Variants in TCERG1L observed in about 807,000 individuals in gnomAD.
TCERG1L encodes transcription elongation regulator 1 like.
A neutral mutation model predicts 56.3 loss-of-function variants in TCERG1L; 37 were observed. The observed-to-expected ratio is 0.66, with a 90% CI of 0.51 to 0.87. The LOEUF is 0.87. Among genes scored for constraint, TCERG1L ranks in the 40% least tolerant of loss-of-function variants. The pLI is 0.00. For missense variants in TCERG1L, 799 were observed against 774.2 expected, an observed-to-expected ratio of 1.03 and a Z score of -0.38; for synonymous variants, 324 against 326.3, an observed-to-expected ratio of 0.99 and a Z score of 0.08.
chr10:131,147,249 T>C (rs936489901), intron 6 of TCERG1L, among the ~76,000 whole-genome samples: 2 of 151,940 alleles, frequency 1.3e-5, no homozygotes, highest in African/African-American at 4.8e-5. Flanking sequence ...ACTGAAGACA[T>C]CTAAAAGGAA....
chr10:131,241,165 C>A (rs1174565940), intron 4 of TCERG1L, among the ~76,000 whole-genome samples: 1 of 150,020 alleles, frequency 6.7e-6, no homozygotes, highest in East Asian at 2.0e-4. Context: ...AGTGGAGGAG[C>A]CGCCCGCACG....
At chr10:131,220,608 T>TG (rs34270970) in intron 4 of TCERG1L, among the ~76,000 whole-genome samples, 19,278 of 152,132 alleles carry the variant, frequency 0.13, 1,786 homozygotes, top group East Asian at 0.25. Flanking sequence ...AGCCACCCTG[T>TG]GCTCCTGCAG....
At chr10:131,306,146 C>T (rs1359058786) in intron 3 of TCERG1L, among the ~76,000 whole-genome samples, 1 of 152,074 alleles carries the variant, frequency 6.6e-6, no homozygotes, top group Non-Finnish European at 1.5e-5. Flanking sequence ...CCGTTCTTAT[C>T]CCAGTTCTCT....
At chr10:131,303,375 C>T (rs1389384798) in intron 3 of TCERG1L, among the ~76,000 whole-genome samples, 1 of 152,040 alleles carries the variant, frequency 6.6e-6, no homozygotes, top group Non-Finnish European at 1.5e-5. Context: ...CTCTAATGAC[C>T]AGTGATGATG....
Position 131,226,504 on chromosome 10 carries a change from T to C in TCERG1L, c.856+33755A>G, listed in dbSNP as rs76590977. Among the ~76,000 whole-genome samples the C allele has an allele frequency of 9.3e-3, 1,423 of 152,292 alleles. 31 individuals are homozygous for C. The highest frequency in any genetic ancestry group is 0.076 in the East Asian group (395 of 5,170). On this transcript the variant is annotated intron_variant, in intron 4 of 11. Coordinates refer to ENST00000368642, the MANE Select transcript of TCERG1L (RefSeq NM_174937.4). ...AATCCAGGAAATGATTGAGTTTTCA[T>C]GTTTTCCTTCAGAACCATAAAAATT...
At chr10:131,266,506 C>T (rs766521744) in intron 3 of TCERG1L, among the ~76,000 whole-genome samples, 1 of 152,132 alleles carries the variant, frequency 6.6e-6, no homozygotes, top group African/African-American at 2.4e-5. Context: ...GGCTGGAAAC[C>T]TCTGTGGCCA....
intron 4 of TCERG1L, among the ~76,000 whole-genome samples, chr10:131,214,820 TGA>T (rs1188639192): frequency 6.6e-6 from 1 of 152,216 alleles, no homozygotes; most frequent in Non-Finnish European, 1.5e-5. Flanking sequence ...CATTTGACAG[TGA>T]GAGCCAGCAA....
rs181666647 is a variant in TCERG1L, at chr10:131,166,736, C to T, written c.945+61G>A. On this transcript the variant is annotated intron_variant, in intron 5 of 11. Transcript: ENST00000368642. ...GCAAACAAGCGTGAGGGTGTCCTGG[C>T]CCTGGTCCTCCACACCCAGGGTTTT... 156 of 1,528,482 alleles carry T rather than the reference C, an allele frequency of 1.0e-4. 1 individual carries two copies. In the East Asian group the frequency reaches 3.2e-3, roughly 31 times the overall value. 94.7% of individuals were successfully genotyped at this position (1,528,482 alleles called of 1,614,324 possible). A position where few individuals can be genotyped will look rare whatever the true frequency, so the allele number is the denominator to read the frequency against.
chr10:131,100,687 C>T (rs1845296433), intron 10 of TCERG1L, among the ~76,000 whole-genome samples: 1 of 152,184 alleles, frequency 6.6e-6, no homozygotes, highest in Non-Finnish European at 1.5e-5. Context: ...GTGCAGCTCC[C>T]CCGGCAGAGG....
chr10:131,095,899 TC>T (rs1845240462), intron 11 of TCERG1L: 1 of 152,210 alleles, frequency 6.6e-6, no homozygotes, highest in Admixed American at 6.5e-5. Context: ...CTCAATGCAT[TC>T]CGAATATTTT....
intron 3 of TCERG1L, among the ~76,000 whole-genome samples, chr10:131,300,067 A>T (rs1318424294): frequency 6.6e-6 from 1 of 152,146 alleles, no homozygotes; most frequent in Non-Finnish European, 1.5e-5. Context: ...CATGAACTGC[A>T]AATCTACAGA....
intron 3 of TCERG1L, among the ~76,000 whole-genome samples, chr10:131,274,045 G>C (rs2918105): frequency 0.047 from 7,089 of 152,144 alleles, 203 homozygotes; most frequent in Non-Finnish European, 0.058. Flanking sequence ...CGGGGCCTGG[G>C]CGTGTGATGG....
intron 8 of TCERG1L, among the ~76,000 whole-genome samples, chr10:131,121,177 T>C (rs918085697): frequency 6.6e-6 from 1 of 151,974 alleles, no homozygotes; most frequent in Admixed American, 6.6e-5. Flanking sequence ...CTGACACAGG[T>C]TGAGATGGCG....
chr10:131,257,067 A>AAAG (rs1846181318), intron 4 of TCERG1L, among the ~76,000 whole-genome samples: 5 of 145,416 alleles, frequency 3.4e-5, no homozygotes, highest in African/African-American at 1.0e-4. Flanking sequence ...AGAAAGAAAG[A>AAAG]AAAAAAAAAA....
chr10:131,295,935 T>C (rs992841934), intron 3 of TCERG1L, among the ~76,000 whole-genome samples: 35 of 152,194 alleles, frequency 2.3e-4, no homozygotes, highest in African/African-American at 8.4e-4. Context: ...TCTGGTCATA[T>C]ATTTTGTCCA....
chr10:131,198,491 G>A (rs1006027768), intron 4 of TCERG1L, among the ~76,000 whole-genome samples: 1 of 152,232 alleles, frequency 6.6e-6, no homozygotes, highest in African/African-American at 2.4e-5. Context: ...AACACCACCG[G>A]CTGAGTAATT....
chr10:131,263,472 A>T (rs1247859012), intron 3 of TCERG1L, among the ~76,000 whole-genome samples: 1 of 152,184 alleles, frequency 6.6e-6, no homozygotes, highest in Admixed American at 6.5e-5. Context: ...ATCACACCAC[A>T]TCTGTGGCTT....
chr10:131,282,364 T>C (rs553600651), intron 3 of TCERG1L, among the ~76,000 whole-genome samples: 1 of 133,170 alleles, frequency 7.5e-6, no homozygotes, highest in South Asian at 2.8e-4. Flanking sequence ...ACAGACATTA[T>C]TTTTTTAAGA....
rs372122380 is a variant in TCERG1L, at chr10:131,137,514, T to C, written c.1190-3066A>G. ...TCCAAGGTGTGCCTCCTGCCTGCCG[T>C]GTCCAGGGGAGGGAGCATTCCAGCT... is the stretch of plus-strand genomic sequence containing the variant. On this transcript the variant is annotated intron_variant, in intron 7 of 11. Transcript: ENST00000368642. Among the ~76,000 whole-genome samples the C allele has an allele frequency of 2.5e-4, 38 of 152,282 alleles. 1 individual carries two copies. The highest frequency in any genetic ancestry group is 3.1e-4 in the African/African-American group (13 of 41,568).
Sources: allele counts gnomAD v4.1 joint callset (sites outside exome capture counted in the v4.1 genomes callset), GRCh38; gene constraint gnomAD v4.1.1; transcripts MANE v1.5; gene names NCBI Gene and HGNC (gene_info 2026-07-23, HGNC 2026-07-21).